The following FRAS1 variants were observed in gnomAD, a reference collection of about 807,000 sequenced individuals.
The protein encoded by FRAS1 is Fraser extracellular matrix complex subunit 1, also known as extracellular matrix organizing protein FRAS1.
A neutral mutation model predicts 435.2 loss-of-function variants in FRAS1; 290 were observed. The observed-to-expected ratio is 0.67, with a 90% CI of 0.61 to 0.73. The LOEUF (loss-of-function observed/expected upper bound fraction) is 0.73. Ranked by LOEUF, FRAS1 falls within the 30% of genes least tolerant of loss-of-function variation. The probability of loss-of-function intolerance (pLI) is 0.00; values close to 1 mark genes in which losing one functional copy is unlikely to be tolerated. For synonymous variants in FRAS1, 1,800 were observed against 1,851.0 expected, an observed-to-expected ratio of 0.97 and a Z score of 0.71; for missense variants, 4,860 against 5,001.5, an observed-to-expected ratio of 0.97 and a Z score of 0.85.
chr4:78,310,330 C>A (rs1169196942), intron 15 of FRAS1, among the ~76,000 whole-genome samples: 1 of 152,124 alleles, frequency 6.6e-6, no homozygotes, highest in Non-Finnish European at 1.5e-5. Context: ...GAACGGTGAC[C>A]CTGACCTGCC....
intron 2 of FRAS1, among the ~76,000 whole-genome samples, chr4:78,187,363 C>A (rs1434465701): frequency 1.3e-5 from 2 of 152,082 alleles, no homozygotes; most frequent in African/African-American, 4.8e-5. Context: ...GATTCATAGA[C>A]CCCATTTACA....
rs1457903745 is a variant in FRAS1, at chr4:78,307,577, G to A, written c.1535-489G>A. The stretch of plus-strand genomic sequence containing the variant: ...TCCTGGTGCGCCGTTTTTTAAGCCC[G>A]TCGGAAAAGCGCAGTATTCGGGTGG... On this transcript the variant is annotated intron_variant, in intron 14 of 73. Coordinates refer to ENST00000512123, the MANE Select transcript of FRAS1 (RefSeq NM_025074.7). Among the ~76,000 whole-genome samples the A allele has an allele frequency of 4.6e-5, 7 of 152,346 alleles. No individual in the cohort carries two copies. In the South Asian group the frequency reaches 6.2e-4, roughly 14 times the overall value.
chr4:78,468,795 CA>C (rs1283973984), intron 50 of FRAS1, among the ~76,000 whole-genome samples: 2 of 152,180 alleles, frequency 1.3e-5, no homozygotes. Context: ...CTGGGGAAGG[CA>C]GTTTTAGTGA....
chr4:78,164,126 G>C (rs569361174), intron 2 of FRAS1, among the ~76,000 whole-genome samples: 1 of 152,312 alleles, frequency 6.6e-6, no homozygotes, highest in South Asian at 2.1e-4. Flanking sequence ...CAAGCATTAA[G>C]TCAAATGGTT....
chr4:78,065,058 G>GTA (rs34023994), intron 1 of FRAS1, among the ~76,000 whole-genome samples: 11,045 of 119,676 alleles, frequency 0.092, 569 homozygotes, highest in South Asian at 0.1. Flanking sequence ...GTTTTATAGT[G>GTA]TATATATATA....
intron 2 of FRAS1, among the ~76,000 whole-genome samples, chr4:78,148,561 C>A (rs142982785): frequency 9.8e-4 from 149 of 152,268 alleles, no homozygotes; most frequent in Middle Eastern, 3.4e-3. Flanking sequence ...CGTTCTTGAG[C>A]TTCTAAATTA....
At chr4:78,106,335 CTT>C (rs1413229999) in intron 2 of FRAS1, among the ~76,000 whole-genome samples, 1 of 56,016 alleles carries the variant, frequency 1.8e-5, no homozygotes, top group African/African-American at 6.7e-5. Flanking sequence ...CCTCTGCAGA[CTT>C]AAGTGTCCCT....
At chr4:78,282,005 C>A (rs570687721) in intron 11 of FRAS1, among the ~76,000 whole-genome samples, 32 of 152,336 alleles carry the variant, frequency 2.1e-4, no homozygotes, top group African/African-American at 7.2e-4. Flanking sequence ...ACTTTTCTAA[C>A]ACTTAATGTT....
At chr4:78,381,715 C>T (rs1451753079) in intron 27 of FRAS1, among the ~76,000 whole-genome samples, 1 of 152,174 alleles carries the variant, frequency 6.6e-6, no homozygotes, top group Non-Finnish European at 1.5e-5. Flanking sequence ...GATCAACCCT[C>T]TTGTCTATTT....
intron 31 of FRAS1, among the ~76,000 whole-genome samples, chr4:78,410,007 C>A (rs1352334736): frequency 6.6e-6 from 1 of 152,178 alleles, no homozygotes; most frequent in African/African-American, 2.4e-5. Flanking sequence ...AATGAGTGAG[C>A]AAACATTGGG....
intron 2 of FRAS1, among the ~76,000 whole-genome samples, chr4:78,145,488 C>G (rs990602799): frequency 6.6e-6 from 1 of 151,816 alleles, no homozygotes; most frequent in Non-Finnish European, 1.5e-5. Flanking sequence ...CACAAAGATA[C>G]TTCAAAATTA....
In FRAS1 at chr4:78,237,246, C is replaced by T. The variant is rs186373080; in HGVS notation, c.109-264C>T. 5.3e-5 allele frequency among the ~76,000 whole-genome samples: 8 copies of T among 152,238 alleles called. No individual in the cohort carries two copies. In the East Asian group the frequency reaches 1.2e-3, roughly 22 times the overall value. On this transcript the variant is annotated intron_variant, in intron 2 of 73. Coordinates refer to ENST00000512123, the MANE Select transcript of FRAS1 (RefSeq NM_025074.7). Reference sequence around the variant, plus strand: ...TGTCCTCCTGTGGTTTCAGGCCAATCGATGATTTTTACTCTGGGTATTGAC... The same window carrying T: ...TGTCCTCCTGTGGTTTCAGGCCAATTGATGATTTTTACTCTGGGTATTGAC...
chr4:78,325,964 T>C (rs993669801), intron 18 of FRAS1, among the ~76,000 whole-genome samples: 4 of 152,174 alleles, frequency 2.6e-5, no homozygotes, highest in Non-Finnish European at 1.5e-5. Context: ...TGTTTGGTAT[T>C]CTTATAGTAT....
chr4:78,401,068 A>AGTG (rs1233962856), intron 30 of FRAS1, among the ~76,000 whole-genome samples, 181 bp downstream of exon 30: 2 of 152,250 alleles, frequency 1.3e-5, no homozygotes, highest in African/African-American at 2.4e-5. Context: ...TTTACTAGGT[A>AGTG]GTGTACTAAA....
chr4:78,365,306 C>CA (rs1425756333), intron 22 of FRAS1, among the ~76,000 whole-genome samples: 1 of 152,070 alleles, frequency 6.6e-6, no homozygotes, highest in Non-Finnish European at 1.5e-5. Context: ...GCTTTTGTAA[C>CA]AAAAACCTTG....
chr4:78,112,900 A>G (rs149125352), intron 2 of FRAS1, among the ~76,000 whole-genome samples: 8,010 of 152,120 alleles, frequency 0.053, 345 homozygotes, highest in African/African-American at 0.11. Flanking sequence ...ATATGTATAC[A>G]TGTGCCATAT....
chr4:78,500,678 T>G (rs1184857774), intron 61 of FRAS1, among the ~76,000 whole-genome samples: 1 of 152,046 alleles, frequency 6.6e-6, no homozygotes, highest in Admixed American at 6.6e-5. Context: ...TCAGAAATCA[T>G]GGGGGTTGAA....
At chr4:78,239,225 G>T (rs780670368) in intron 3 of FRAS1, among the ~76,000 whole-genome samples, 4 of 151,884 alleles carry the variant, frequency 2.6e-5, no homozygotes, top group Non-Finnish European at 5.9e-5. Context: ...TCTCATCTTG[G>T]TAAATGGCAA....
intron 22 of FRAS1, among the ~76,000 whole-genome samples, chr4:78,365,743 A>C (rs1731239531): frequency 9.6e-6 from 1 of 104,264 alleles, no homozygotes; most frequent in Non-Finnish European, 1.9e-5. Context: ...ACATTAAAAA[A>C]AAAAAAACAA....
Sources: allele counts gnomAD v4.1 joint callset (sites outside exome capture counted in the v4.1 genomes callset), GRCh38; gene constraint gnomAD v4.1.1; transcripts MANE v1.5; gene names NCBI Gene and HGNC (gene_info 2026-07-23, HGNC 2026-07-21).